Variants in PACSIN1 observed in about 807,000 individuals in gnomAD.
PACSIN1 encodes the protein protein kinase C and casein kinase substrate in neurons 1.
PACSIN1 carries 15 observed loss-of-function variants against 59.5 expected under a neutral mutation model. That is an observed-to-expected ratio of 0.25 (90% CI 0.17 to 0.39). PACSIN1 has a LOEUF of 0.39. PACSIN1 is among the 10% of genes least tolerant of loss of function. The probability of loss-of-function intolerance (pLI) is 1.00; values close to 1 mark genes in which losing one functional copy is unlikely to be tolerated. For missense variants in PACSIN1, 420 were observed against 580.2 expected, an observed-to-expected ratio of 0.72 and a Z score of 2.84; for synonymous variants, 210 against 220.6, an observed-to-expected ratio of 0.95 and a Z score of 0.42.
intron 1 of PACSIN1, among the ~76,000 whole-genome samples, chr6:34,520,021 C>A (rs1767360387): frequency 6.6e-6 from 1 of 152,022 alleles, no homozygotes; most frequent in Non-Finnish European, 1.5e-5. Context: ...TTGGGGAAGA[C>A]TTCTTGGAGG....
At chr6:34,495,629 T>A (rs1766936858) in intron 1 of PACSIN1, among the ~76,000 whole-genome samples, 1 of 152,132 alleles carries the variant, frequency 6.6e-6, no homozygotes, top group African/African-American at 2.4e-5. Flanking sequence ...ATTTTTGGAT[T>A]TTTAGTAGAG....
Position 34,515,866 on chromosome 6 carries a change from C to T in PACSIN1, c.-63-10377C>T, listed in dbSNP as rs979079050. ...GGGGAGCTCTTGGGCACTGCCACTG[C>T]GGAGGAGCCTCTGCCAGCTGCTCAG... On this transcript the variant is annotated intron_variant, in intron 1 of 9. Coordinates refer to ENST00000244458, the MANE Select transcript of PACSIN1 (RefSeq NM_020804.5). The surrounding 1 kb of genome is among the most constrained non-coding windows in gnomAD (Gnocchi z 4.4). Among the ~76,000 whole-genome samples, 2 of 152,032 alleles carry T rather than the reference C, an allele frequency of 1.3e-5. No homozygotes were observed. Among genetic ancestry groups the T allele is most frequent in the South Asian group, 2.1e-4 (1 of 4,826 alleles).
chr6:34,520,373 G>A (rs1404795616), intron 1 of PACSIN1, among the ~76,000 whole-genome samples: 2 of 152,280 alleles, frequency 1.3e-5, no homozygotes, highest in Admixed American at 1.3e-4. Context: ...GTTTCCCCAT[G>A]TCCCTGTCCC....
chr6:34,487,999 A>G (rs1026406634), intron 1 of PACSIN1, among the ~76,000 whole-genome samples: 2 of 152,082 alleles, frequency 1.3e-5, no homozygotes, highest in Non-Finnish European at 2.9e-5. Flanking sequence ...GGAGGCTTAT[A>G]AGGGGAAGGT....
chr6:34,502,610 C>T (rs747211307), intron 1 of PACSIN1, among the ~76,000 whole-genome samples: 11 of 152,002 alleles, frequency 7.2e-5, no homozygotes, highest in East Asian at 1.9e-4. Context: ...GGACTACAGG[C>T]GCCCACCATG....
rs145035257 is a variant in PACSIN1 at position 34,526,350 on chromosome 6, C to T, written c.45C>T (p.Thr15=). The T allele has an allele frequency of 1.7e-5, 28 of 1,612,342 alleles. No homozygotes were observed. In the African/African-American group the frequency reaches 2.8e-4, roughly 16 times the overall value. ...YDEASLAPEE[T]TDSFWEVGNY... ...AGGCCTCACTGGCGCCAGAGGAGACCACCGACAGCTTCTGGGAGGTGAGGC... is the reference window on the plus strand; with the variant it reads ...AGGCCTCACTGGCGCCAGAGGAGACTACCGACAGCTTCTGGGAGGTGAGGC... Residue 15 remains threonine, a synonymous_variant, in exon 2 of 10, where the codon ACC becomes ACT. Coordinates refer to ENST00000244458, the MANE Select transcript of PACSIN1 (RefSeq NM_020804.5).
chr6:34,491,093 ACTT>A (rs1295874675), intron 1 of PACSIN1, among the ~76,000 whole-genome samples: 7 of 151,688 alleles, frequency 4.6e-5, no homozygotes, highest in African/African-American at 1.2e-4. Context: ...TGAGCATTGA[ACTT>A]CTTCTGTTTT....
In PACSIN1 at chr6:34,501,543, G is replaced by A. The variant is rs1767022403; in HGVS notation, c.-63-24700G>A. ...GTTTCTTGGGTCCCAATGTGTGCAT[G>A]TCTGCCCCAAGCTGTCAGCTCCCCC... On this transcript the variant is annotated intron_variant, in intron 1 of 9. Coordinates refer to ENST00000244458, the MANE Select transcript of PACSIN1 (RefSeq NM_020804.5). Among the ~76,000 whole-genome samples the A allele has an allele frequency of 2.0e-5, 3 of 152,218 alleles. No homozygotes were observed. In the South Asian group the frequency reaches 6.2e-4, roughly 31 times the overall value.
rs1284224291 is a variant in PACSIN1 at position 34,534,578 on chromosome 6, G to A, written c.*2048G>A. On this transcript the variant is annotated 3_prime_UTR_variant, in exon 10 of 10. Transcript: ENST00000244458. ...GCTGGCAATCTGCACCTTGGGGCCTGGGCTCCCCCTCTCTGTGCCAGCGGC... is the reference window on the plus strand; with the variant it reads ...GCTGGCAATCTGCACCTTGGGGCCTAGGCTCCCCCTCTCTGTGCCAGCGGC... 6.5e-6 allele frequency: 1 copy of A among 152,750 alleles called. No homozygotes were observed. Among genetic ancestry groups the A allele is most frequent in the African/African-American group, 2.4e-5 (1 of 41,440 alleles). The allele number at this position is 152,750 out of a possible 1,614,324, so 9.5% of individuals were successfully genotyped here. A position where few individuals can be genotyped will look rare whatever the true frequency, so the allele number is the denominator to read the frequency against.
chr6:34,481,435 C>A (rs545974827), intron 1 of PACSIN1, among the ~76,000 whole-genome samples: 3 of 152,260 alleles, frequency 2.0e-5, no homozygotes, highest in Non-Finnish European at 4.4e-5. Context: ...GTAATCCCAG[C>A]ACTTAGGGAG....
At chr6:34,480,639 C>G (rs1156882631) in intron 1 of PACSIN1, among the ~76,000 whole-genome samples, 1 of 145,422 alleles carries the variant, frequency 6.9e-6, no homozygotes, top group Non-Finnish European at 1.5e-5. Context: ...GTGAAAAGTT[C>G]TGCTGGCTTC....
intron 1 of PACSIN1, among the ~76,000 whole-genome samples, chr6:34,504,274 A>T (rs62398686): frequency 9.0e-5 from 10 of 111,346 alleles, no homozygotes; most frequent in South Asian, 2.8e-4. Context: ...GTGTGTGTAT[A>T]TATATATATA....
chr6:34,509,958 T>C (rs370931751), intron 1 of PACSIN1, among the ~76,000 whole-genome samples: 1 of 152,394 alleles, frequency 6.6e-6, no homozygotes, highest in East Asian at 1.9e-4. Context: ...CATGTGATTA[T>C]GTGTAGTGGG....
chr6:34,484,201 T>C (rs954355679), intron 1 of PACSIN1, among the ~76,000 whole-genome samples: 2 of 152,198 alleles, frequency 1.3e-5, no homozygotes, highest in Non-Finnish European at 2.9e-5. Flanking sequence ...GCAATCAAGA[T>C]GTCCTTCAAT....
chr6:34,500,329 A>C (rs1383617326), intron 1 of PACSIN1, among the ~76,000 whole-genome samples: 1 of 152,216 alleles, frequency 6.6e-6, no homozygotes, highest in African/African-American at 2.4e-5. Flanking sequence ...AAATTAAAAA[A>C]CGAGTGTTGC....
chr6:34,520,204 T>G (rs368223648), intron 1 of PACSIN1, among the ~76,000 whole-genome samples: 1 of 152,138 alleles, frequency 6.6e-6, no homozygotes, highest in Admixed American at 6.5e-5. Flanking sequence ...CCCCGCTGCA[T>G]TGGGAGCCCC....
chr6:34,496,570 G>A (rs1049406827), intron 1 of PACSIN1, among the ~76,000 whole-genome samples: 2 of 152,276 alleles, frequency 1.3e-5, no homozygotes, highest in African/African-American at 2.4e-5. Flanking sequence ...CTCGTGGGAA[G>A]ACTGATGCTG....
intron 1 of PACSIN1, among the ~76,000 whole-genome samples, chr6:34,522,580 ATAGG>A (rs988000174): frequency 1.3e-5 from 2 of 152,134 alleles, no homozygotes; most frequent in Non-Finnish European, 2.9e-5. Context: ...AGATGGATAG[ATAGG>A]TAGGTAGAGA....
At chr6:34,512,542 G>T (rs1036241662) in intron 1 of PACSIN1, among the ~76,000 whole-genome samples, 3 of 152,154 alleles carry the variant, frequency 2.0e-5, no homozygotes. Flanking sequence ...GCTCTTGGGC[G>T]CCGGGAGTCC....
Sources: gnomAD v4.1 joint callset for allele counts (sites outside exome capture counted in the v4.1 genomes callset) on GRCh38, gnomAD v4.1.1 for gene constraint, Gnocchi (gnomAD v3.1) non-coding constraint, MANE v1.5 for transcripts, NCBI Gene and HGNC (gene_info 2026-07-23, HGNC 2026-07-21) for gene names.